SLC30A4: variants seen among roughly 807,000 people sequenced by gnomAD.
The protein encoded by SLC30A4 is solute carrier family 30 member 4.
SLC30A4 carries 20 observed loss-of-function variants against 41.7 expected under a neutral mutation model. The ratio of observed to expected loss-of-function variants is 0.48; its 90% confidence interval spans 0.34 to 0.70. SLC30A4 has a LOEUF of 0.70. Ranked by LOEUF, SLC30A4 falls within the 30% of genes least tolerant of loss-of-function variation. The probability of loss-of-function intolerance (pLI) is 0.01; values close to 1 mark genes in which losing one functional copy is unlikely to be tolerated. For missense variants in SLC30A4, 441 were observed against 529.3 expected (o/e 0.83, Z 1.64); for synonymous variants, 181 against 195.9 (o/e 0.92, Z 0.64).
At chr15:45,518,757 G>C (rs952458097) in intron 2 of SLC30A4, among the ~76,000 whole-genome samples, 1 of 151,918 alleles carries the variant, frequency 6.6e-6, no homozygotes, top group Non-Finnish European at 1.5e-5. Flanking sequence ...GTAGAGAGGG[G>C]GTTTCATCAT....
At chr15:45,487,108 C>T (rs1279975753) in intron 6 of SLC30A4, among the ~76,000 whole-genome samples, 1 of 151,734 alleles carries the variant, frequency 6.6e-6, no homozygotes, top group African/African-American at 2.4e-5. Context: ...CATGCTTACA[C>T]ATAATATCAG....
At chr15:45,503,748 A>C (rs1892092507) in intron 3 of SLC30A4, among the ~76,000 whole-genome samples, 1 of 152,122 alleles carries the variant, frequency 6.6e-6, no homozygotes, top group Admixed American at 6.6e-5. Context: ...GGAGTTCAAG[A>C]CCAGCCCGAC....
At chr15:45,514,975 T>C (rs1892422214) in intron 2 of SLC30A4, among the ~76,000 whole-genome samples, 1 of 151,216 alleles carries the variant, frequency 6.6e-6, no homozygotes, top group Non-Finnish European at 1.5e-5. Context: ...GACCTCCTGG[T>C]CTTAAGCAAT....
intron 2 of SLC30A4, among the ~76,000 whole-genome samples, chr15:45,516,766 A>G (rs1892492245): frequency 6.6e-6 from 1 of 151,936 alleles, no homozygotes; most frequent in African/African-American, 2.4e-5. Flanking sequence ...GCTACTTGGG[A>G]GGCTGAGGCA....
chr15:45,506,036 G>A (rs866683881), intron 3 of SLC30A4, among the ~76,000 whole-genome samples: 5 of 151,844 alleles, frequency 3.3e-5, no homozygotes, highest in Admixed American at 2.0e-4. Flanking sequence ...ACAAAGCCTC[G>A]TCTCTACAAA....
At chr15:45,516,161 C>G (rs1014637421) in intron 2 of SLC30A4, among the ~76,000 whole-genome samples, 1 of 152,190 alleles carries the variant, frequency 6.6e-6, no homozygotes, top group African/African-American at 2.4e-5. Context: ...TTATATCTGA[C>G]TGGCTTTTAA....
intron 3 of SLC30A4, among the ~76,000 whole-genome samples, chr15:45,497,928 T>C (rs980065611): frequency 6.6e-6 from 1 of 152,222 alleles, no homozygotes; most frequent in Non-Finnish European, 1.5e-5. Flanking sequence ...TGAGGCACTA[T>C]AACAATATTT....
rs775106134 is a variant in SLC30A4 at position 45,484,994 on chromosome 15, C to T, written c.*169G>A. On this transcript the variant is annotated 3_prime_UTR_variant, in exon 8 of 8. Transcript: ENST00000261867. ...AAAATTATGGCAAAGTCTCCTTTTA[C>T]CATTAAACAGAGACTAGCACTGTCA... 2 of 571,404 alleles carry T rather than the reference C, an allele frequency of 3.5e-6. No individual in the cohort carries two copies. The highest frequency in any genetic ancestry group is 7.0e-5 in the Admixed American group (2 of 28,550). The allele number at this position is 571,404 out of a possible 1,614,324, so 35.4% of individuals were successfully genotyped here.
At chr15:45,517,446 T>C (rs1892518652) in intron 2 of SLC30A4, among the ~76,000 whole-genome samples, 1 of 142,582 alleles carries the variant, frequency 7.0e-6, no homozygotes, top group African/African-American at 2.6e-5. Flanking sequence ...CTCCGCCTCC[T>C]AGGTTCAAGT....
In SLC30A4 at chr15:45,487,960, A is replaced by AGTGTGTGTGT. The variant is rs58392709; in HGVS notation, c.895-338_895-329dup. On this transcript the variant is annotated intron_variant, in intron 5 of 7. Transcript: ENST00000261867. ...TGTGTGTGTGTCAAAGCTGGAAAAA[A>AGTGTGTGTGT]GTGTGTGTGTGTGTGTGTGTGTGTG... Among the ~76,000 whole-genome samples the AGTGTGTGTGT allele has an allele frequency of 8.7e-4, 122 of 139,776 alleles. 4 individuals are homozygous for AGTGTGTGTGT. Among genetic ancestry groups the AGTGTGTGTGT allele is most frequent in the African/African-American group, 3.0e-3 (116 of 38,248 alleles). 91.7% of individuals were successfully genotyped at this position (139,776 alleles called of 152,430 possible). A position where few individuals can be genotyped will look rare whatever the true frequency, so the allele number is the denominator to read the frequency against.
intron 3 of SLC30A4, among the ~76,000 whole-genome samples, chr15:45,505,037 C>G (rs893232138): frequency 1.3e-5 from 2 of 151,958 alleles, no homozygotes; most frequent in African/African-American, 4.8e-5. Flanking sequence ...TCGAGACTAG[C>G]CTGGCCAACG....
intron 3 of SLC30A4, among the ~76,000 whole-genome samples, chr15:45,501,460 AGCTTTCAT>A (rs1892033055): frequency 6.6e-6 from 1 of 152,216 alleles, no homozygotes; most frequent in Non-Finnish European, 1.5e-5. Context: ...TCTGTTCCAC[AGCTTTCAT>A]GCCCTTATTT....
intron 2 of SLC30A4, among the ~76,000 whole-genome samples, chr15:45,516,528 T>C (rs967044380): frequency 2.6e-5 from 4 of 152,018 alleles, no homozygotes; most frequent in African/African-American, 9.7e-5. Context: ...TCCTCTCCAG[T>C]TTTCCTCATA....
chr15:45,522,101 T>C lies in SLC30A4; in HGVS notation c.254A>G (p.Asn85Ser). ...GTCCACCTTCAAACTCAGCTGACTG[T>C]TGGTCAAAGGTAAGTCTTGGTCCAG... ...SLLDQDLPLT[N>S]SQLSLKVDSC... Residue 85 changes from asparagine (N) to serine (S), a missense_variant, in exon 2 of 8, where the codon AAC becomes AGC. Asn to Ser is a conservative substitution (Grantham distance 46, BLOSUM62 1). Around this residue, in one of 3 missense-constraint regions of SLC30A4, gnomAD observed 312 missense variants for 341.9 expected, o/e 0.91. Transcript: ENST00000261867. 1 of 1,614,222 alleles carries C rather than the reference T, an allele frequency of 6.2e-7. No homozygotes were observed. The highest frequency in any genetic ancestry group is 8.5e-7 in the Non-Finnish European group (1 of 1,180,034).
At position 45,488,853 on chromosome 15, in the gene SLC30A4, G is replaced by A. The variant is rs1891755348; in HGVS notation, c.882C>T (p.Ile294=). The A allele has an allele frequency of 1.9e-6, 3 of 1,612,220 alleles. No homozygotes were observed. The highest frequency in any genetic ancestry group is 1.3e-5 in the African/African-American group (1 of 74,838). Residue 294 remains isoleucine, a synonymous_variant, in exon 5 of 8, where the codon ATC becomes ATT. Transcript: ENST00000261867. ...QSVGVLIAAY[I]IRFKPEYKIA... is the part of the protein sequence containing the mutation. ...CCAATCATATTACCTTGAATCGTATGATGTATGCAGCTATTAGCACACCAA... is the reference window on the plus strand; with the variant it reads ...CCAATCATATTACCTTGAATCGTATAATGTATGCAGCTATTAGCACACCAA...
chr15:45,511,736 G>A (rs371943834), intron 2 of SLC30A4, among the ~76,000 whole-genome samples: 1 of 152,186 alleles, frequency 6.6e-6, no homozygotes, highest in African/African-American at 2.4e-5. Context: ...CACTCGCCTC[G>A]GCCTTGCAAG....
chr15:45,493,044 G>A (rs1246493862), intron 3 of SLC30A4, among the ~76,000 whole-genome samples: 1 of 152,216 alleles, frequency 6.6e-6, no homozygotes, highest in Non-Finnish European at 1.5e-5. Flanking sequence ...GACCAAGGCG[G>A]GCGGATCACC....
intron 3 of SLC30A4, among the ~76,000 whole-genome samples, chr15:45,496,870 T>TAAATAAATA (rs1555391484): frequency 7.0e-5 from 10 of 143,818 alleles, no homozygotes; most frequent in Middle Eastern, 3.5e-3. Context: ...AATAAATAAA[T>TAAATAAATA]AAATAAAATA....
chr15:45,492,134 G>A (rs930577212), intron 3 of SLC30A4, among the ~76,000 whole-genome samples: 1 of 151,036 alleles, frequency 6.6e-6, no homozygotes, highest in Admixed American at 6.6e-5. Context: ...TGTACTTTTA[G>A]GACTCTACTT....
Sources: gnomAD v4.1 joint callset for allele counts (sites outside exome capture counted in the v4.1 genomes callset) on GRCh38, gnomAD v4.1.1 for gene constraint, gnomAD v4.1.1 regional missense constraint, MANE v1.5 for transcripts, NCBI Gene and HGNC (gene_info 2026-07-23, HGNC 2026-07-21) for gene names.